RIMBP2: variants seen among roughly 807,000 people sequenced by gnomAD.
RIMBP2 encodes the protein RIMS binding protein 2.
In RIMBP2, 48 loss-of-function variants were observed where a neutral mutation model predicts 118.6. The ratio of observed to expected loss-of-function variants is 0.40; its 90% CI spans 0.32 to 0.51. The LOEUF (loss-of-function observed/expected upper bound fraction) is 0.51. RIMBP2 is among the 20% of genes least tolerant of loss of function. The pLI is 0.41. For missense variants in RIMBP2, 1,551 were observed against 1,768.3 expected (o/e 0.88, Z 2.20); for synonymous variants, 762 against 742.9 (o/e 1.03, Z -0.42).
At chr12:130,598,791 T>C (rs1037819104) in intron 2 of RIMBP2, among the ~76,000 whole-genome samples, 9 of 150,604 alleles carry the variant, frequency 6.0e-5, no homozygotes, top group African/African-American at 2.0e-4. Context: ...GTAATCAAGA[T>C]AGTAAGGTAA....
intron 1 of RIMBP2, among the ~76,000 whole-genome samples, chr12:130,697,066 G>A (rs2065607900): frequency 6.6e-6 from 1 of 152,212 alleles, no homozygotes; most frequent in Admixed American, 6.5e-5. Context: ...TGCCTCCGAA[G>A]GGTGTCAAAC....
At chr12:130,669,456 G>T (rs935321177) in intron 1 of RIMBP2, among the ~76,000 whole-genome samples, 1 of 152,084 alleles carries the variant, frequency 6.6e-6, no homozygotes, top group South Asian at 2.1e-4. Context: ...ATTGCACCAC[G>T]GGGCGGTTTC....
chr12:130,609,407 T>C (rs1252248688), intron 2 of RIMBP2, among the ~76,000 whole-genome samples: 4 of 131,128 alleles, frequency 3.1e-5, no homozygotes, highest in African/African-American at 1.1e-4. Flanking sequence ...GGCAGGGCCT[T>C]GATTAACCCT....
chr12:130,607,103 T>TACAG (rs2060239083), intron 2 of RIMBP2, among the ~76,000 whole-genome samples: 1 of 152,142 alleles, frequency 6.6e-6, no homozygotes, highest in South Asian at 2.1e-4. Flanking sequence ...GTGCTGGGAT[T>TACAG]ACAGGTATGA....
At position 130,447,071 on chromosome 12, in the gene RIMBP2, C is replaced by T. The variant is rs190546583; in HGVS notation, c.582-1802G>A. Among the ~76,000 whole-genome samples, 18 of 149,822 alleles carry T rather than the reference C, an allele frequency of 1.2e-4. No homozygotes were observed. In the East Asian group the frequency reaches 3.3e-3, roughly 28 times the overall value. Reference sequence around the variant, plus strand: ...GACACAGAAGCTGGCAGAGTGTTCTCGGAGGAGGAGGAGGAGGAGGAGGGA... The same window carrying T: ...GACACAGAAGCTGGCAGAGTGTTCTTGGAGGAGGAGGAGGAGGAGGAGGGA... On this transcript the variant is annotated intron_variant, in intron 9 of 22. Transcript: ENST00000690449. The surrounding 1 kb of genome is among the most constrained non-coding windows in gnomAD (Gnocchi z 4.4).
chr12:130,685,203 A>G (rs2136594276), intron 1 of RIMBP2, among the ~76,000 whole-genome samples: 1 of 152,236 alleles, frequency 6.6e-6, no homozygotes, highest in African/African-American at 2.4e-5. Flanking sequence ...ATAATATGGA[A>G]TTACAGTAAT....
In RIMBP2 at chr12:130,431,115, A is replaced by G. The variant is rs894057611; in HGVS notation, c.2254-2778T>C. 2.0e-5 allele frequency among the ~76,000 whole-genome samples: 3 copies of G among 152,168 alleles called. No individual in the cohort carries two copies. The highest frequency in any genetic ancestry group is 2.9e-5 in the Non-Finnish European group (2 of 68,026). On this transcript the variant is annotated intron_variant, in intron 14 of 22. Coordinates refer to ENST00000690449, the MANE Select transcript of RIMBP2 (RefSeq NM_001393629.1). This position sits in a 1 kb window ranked among gnomAD's most constrained non-coding sequence, Gnocchi z 4.0. The stretch of plus-strand genomic sequence containing the variant: ...TGCTTTTGTAATATTGGGAGAATGG[A>G]GGTGATTTTTTCAGAGCAAATGTCC...
In RIMBP2 at chr12:130,636,227, C is replaced by T. The variant is rs140200711; in HGVS notation, c.-351-7771G>A. Among the ~76,000 whole-genome samples the T allele has an allele frequency of 5.9e-5, 9 of 152,314 alleles. No individual in the cohort carries two copies. In the East Asian group the frequency reaches 1.4e-3, roughly 23 times the overall value. On this transcript the variant is annotated intron_variant, in intron 1 of 22. Transcript: ENST00000690449. ...ATTGTCTTTCAGGCAGATGTCACTT[C>T]GCCCAGGAAGCCCTCCCTCTAAGAC...
rs1414452765 is a variant in RIMBP2, at chr12:130,523,902, C to T, written c.-216-5985G>A. On this transcript the variant is annotated intron_variant, in intron 2 of 22. Coordinates refer to ENST00000690449, the MANE Select transcript of RIMBP2 (RefSeq NM_001393629.1). The surrounding 1 kb of genome is among the most constrained non-coding windows in gnomAD (Gnocchi z 4.4). ...GGTCTCAGAGGTGGGGAAGAGGGTC[C>T]ACCCAGCACAAATACATAACAAAGG... Among the ~76,000 whole-genome samples the T allele has an allele frequency of 1.3e-5, 2 of 152,140 alleles. No individual in the cohort carries two copies. The highest frequency in any genetic ancestry group is 2.4e-5 in the African/African-American group (1 of 41,436).
chr12:130,645,373 G>A (rs1027713998), intron 1 of RIMBP2, among the ~76,000 whole-genome samples: 4 of 152,222 alleles, frequency 2.6e-5, no homozygotes, highest in Non-Finnish European at 5.9e-5. Context: ...ATCCAGAGGA[G>A]AAAATAAACC....
intron 2 of RIMBP2, among the ~76,000 whole-genome samples, chr12:130,526,416 G>C (rs764423807): frequency 6.6e-6 from 1 of 152,194 alleles, no homozygotes; most frequent in Non-Finnish European, 1.5e-5. Flanking sequence ...CAAAGATCTT[G>C]CAAGAGTTTG....
chr12:130,420,680 A>T lies in RIMBP2; in HGVS notation c.3238+1773T>A, dbSNP rs981449684. On this transcript the variant is annotated intron_variant, in intron 17 of 22. Transcript: ENST00000690449. The surrounding 1 kb of genome is among the most constrained non-coding windows in gnomAD (Gnocchi z 4.3). ...TAGCAAACCAAAGCGGAGACAAAAA[A>T]TAATTATTTAAGCCAATATTGAGTC... is the stretch of plus-strand genomic sequence containing the variant. 3.3e-5 allele frequency among the ~76,000 whole-genome samples: 5 copies of T among 152,224 alleles called. No homozygotes were observed. Among genetic ancestry groups the T allele is most frequent in the Admixed American group, 2.6e-4 (4 of 15,288 alleles).
chr12:130,655,011 C>T (rs1389051697), intron 1 of RIMBP2, among the ~76,000 whole-genome samples: 1 of 152,210 alleles, frequency 6.6e-6, no homozygotes, highest in Admixed American at 6.5e-5. Context: ...CAAACACCTC[C>T]CACCAGGTCC....
At chr12:130,502,948 A>G (rs1213062562) in intron 4 of RIMBP2, among the ~76,000 whole-genome samples, 4 of 152,172 alleles carry the variant, frequency 2.6e-5, no homozygotes, top group African/African-American at 9.7e-5. Flanking sequence ...GAAATTCCCC[A>G]AAAGACAGGG....
chr12:130,400,916 A>G (rs1000676410), intron 21 of RIMBP2, among the ~76,000 whole-genome samples: 8 of 152,276 alleles, frequency 5.3e-5, no homozygotes, highest in Middle Eastern at 3.4e-3. Flanking sequence ...AACAAAATGG[A>G]AAAAACAGGT....
In RIMBP2 at chr12:130,523,349, C is replaced by T. The variant is rs893285872; in HGVS notation, c.-216-5432G>A. Among the ~76,000 whole-genome samples the T allele has an allele frequency of 6.6e-6, 1 of 152,214 alleles. No homozygotes were observed. Among genetic ancestry groups the T allele is most frequent in the African/African-American group, 2.4e-5 (1 of 41,450 alleles). The stretch of plus-strand genomic sequence containing the variant: ...AGCCAGCACCTTGGTCTTAGACTTC[C>T]AGCCTCCAGGACTGAGAGAGAGGAG... On this transcript the variant is annotated intron_variant, in intron 2 of 22. Coordinates refer to ENST00000690449, the MANE Select transcript of RIMBP2 (RefSeq NM_001393629.1). The surrounding 1 kb of genome is among the most constrained non-coding windows in gnomAD (Gnocchi z 4.4).
At chr12:130,613,324 T>G (rs1174102515) in intron 2 of RIMBP2, among the ~76,000 whole-genome samples, 1 of 152,146 alleles carries the variant, frequency 6.6e-6, no homozygotes, top group Non-Finnish European at 1.5e-5. Flanking sequence ...CAGATACCCC[T>G]GCCGCAATCT....
At chr12:130,543,222 T>C (rs1156356297) in intron 2 of RIMBP2, among the ~76,000 whole-genome samples, 2 of 152,194 alleles carry the variant, frequency 1.3e-5, no homozygotes, top group Admixed American at 1.3e-4. Flanking sequence ...GCATTAGCAT[T>C]CTTTAAACTA....
intron 4 of RIMBP2, among the ~76,000 whole-genome samples, chr12:130,480,757 T>C (rs1014823768): frequency 6.6e-6 from 1 of 152,144 alleles, no homozygotes; most frequent in East Asian, 1.9e-4. Context: ...CCCACCACCA[T>C]GCTGGGCTAA....
Sources: gnomAD v4.1 joint callset for allele counts (sites outside exome capture counted in the v4.1 genomes callset) on GRCh38, gnomAD v4.1.1 for gene constraint, Gnocchi (gnomAD v3.1) non-coding constraint, MANE v1.5 for transcripts, NCBI Gene and HGNC (gene_info 2026-07-23, HGNC 2026-07-21) for gene names.